Variants in AFM observed in about 807,000 individuals in gnomAD.
AFM encodes the protein afamin, also known as alpha-Alb.
Under a neutral mutation model 68.7 loss-of-function variants are expected in AFM, and 82 were observed. That is an observed-to-expected ratio of 1.19 (90% CI 1.00 to 1.43). The LOEUF (loss-of-function observed/expected upper bound fraction) is 1.43, where lower values mean the gene tolerates loss of function less well. Ranked by LOEUF, AFM falls within the 40% of genes most tolerant of loss-of-function variation. The pLI is 0.00. For synonymous variants in AFM, 250 were observed against 234.2 expected, an observed-to-expected ratio of 1.07 and a Z score of -0.61; for missense variants, 772 against 701.8, an observed-to-expected ratio of 1.10 and a Z score of -1.13.
chr4:73,486,882 C>T, intron 4 of AFM, 85 bp from the exon 5 acceptor site: 1 of 1,365,494 alleles, frequency 7.3e-7, no homozygotes, highest in Non-Finnish European at 1.0e-6. Context: ...CCTCCCTTCC[C>T]TTCCCTTCCC....
Position 73,500,247 on chromosome 4 carries a change from T to G in AFM, c.1646+20T>G, listed in dbSNP as rs375606047. The G allele has an allele frequency of 4.5e-6, 7 of 1,572,966 alleles. No homozygotes were observed. In the African/African-American group the frequency reaches 9.5e-5, roughly 21 times the overall value. On this transcript the variant is annotated intron_variant, in intron 12 of 14. Coordinates refer to ENST00000226355, the MANE Select transcript of AFM (RefSeq NM_001133.2). Reference sequence around the variant, plus strand: ...AGACAGGTACAAATAATCTCTTCCATTCTTCTTTTTCTTTGGTTTGAAGAC... The same window carrying G: ...AGACAGGTACAAATAATCTCTTCCAGTCTTCTTTTTCTTTGGTTTGAAGAC...
At chr4:73,485,579 GAAGGAGAAGGA>G (rs1720870032) in intron 3 of AFM, among the ~76,000 whole-genome samples, 1 of 133,812 alleles carries the variant, frequency 7.5e-6, no homozygotes, top group African/African-American at 2.7e-5. Context: ...AGGAGAAAGA[GAAGGAGAAGGA>G]GAAGAGGAAG....
chr4:73,499,042 G>A (rs1258307705), intron 10 of AFM, 72 bp from the exon 11 acceptor site: 2 of 1,533,406 alleles, frequency 1.3e-6, no homozygotes, highest in East Asian at 2.3e-5. Flanking sequence ...AAGGGTCTGG[G>A]CTTCAGCAGT....
At chr4:73,487,161 C>T (rs1720924844) in intron 5 of AFM, 62 bp downstream of exon 5, 1 of 1,561,048 alleles carries the variant, frequency 6.4e-7, no homozygotes, top group Non-Finnish European at 8.8e-7. Flanking sequence ...AGATCCAGAC[C>T]CTGACTTATA....
At chr4:73,496,181 G>A (rs546409523) in intron 9 of AFM, among the ~76,000 whole-genome samples, 1 of 152,202 alleles carries the variant, frequency 6.6e-6, no homozygotes, top group Non-Finnish European at 1.5e-5. Flanking sequence ...CAGAAGGGCT[G>A]TGTTCCCTCT....
In AFM at chr4:73,481,873, T is replaced by C. The variant is rs1369481383; in HGVS notation, c.88+10T>C. 6.5e-7 allele frequency: 1 copy of C among 1,543,792 alleles called. No individual in the cohort carries two copies. The highest frequency in any genetic ancestry group is 8.9e-7 in the Non-Finnish European group (1 of 1,126,424). On this transcript the variant is annotated intron_variant, in intron 1 of 14. Coordinates refer to ENST00000226355, the MANE Select transcript of AFM (RefSeq NM_001133.2). ...CAACCTCGGGATATAGGTAAGAAAT[T>C]TACTTGTATATCAGCTAAAGCATGA...
chr4:73,494,315 C>T (rs1464008998), intron 8 of AFM, among the ~76,000 whole-genome samples: 1 of 151,878 alleles, frequency 6.6e-6, no homozygotes, highest in African/African-American at 2.4e-5. Flanking sequence ...AAAAGAGTTA[C>T]CTGGTCATGA....
chr4:73,493,608 T>C (rs1721162905), intron 8 of AFM, among the ~76,000 whole-genome samples: 1 of 152,180 alleles, frequency 6.6e-6, no homozygotes, highest in Admixed American at 6.5e-5. Flanking sequence ...CCCTCTGAAG[T>C]TAGTATACTT....
chr4:73,501,650 T>C, intron 12 of AFM, 137 bp from the exon 13 acceptor site: 1 of 857,156 alleles, frequency 1.2e-6, no homozygotes, highest in Non-Finnish European at 1.7e-6. Flanking sequence ...AGAAGACCCA[T>C]TCAAAGTGGT....
At chr4:73,484,491 T>TTTCATTCTTTCATTCTTTCTTTC in intron 3 of AFM, 101 bp downstream of exon 3, 1 of 782,908 alleles carries the variant, frequency 1.3e-6, no homozygotes, top group Non-Finnish European at 1.8e-6. Context: ...TCTTTCTTTC[T>TTTCATTCTTTCATTCTTTCTTTC]TTCTTTCTTT....
intron 2 of AFM, 51 bp from the exon 3 acceptor site, chr4:73,484,207 A>C (rs1720791151): frequency 6.5e-7 from 1 of 1,548,528 alleles, no homozygotes; most frequent in Non-Finnish European, 8.7e-7. Context: ...TCTTGACCAT[A>C]AATGGAAACT....
At chr4:73,487,146 A>G in intron 5 of AFM, 47 bp downstream of exon 5, 1 of 1,603,292 alleles carries the variant, frequency 6.2e-7, no homozygotes, top group Non-Finnish European at 8.5e-7. Flanking sequence ...ATCACTCAAT[A>G]CCACAGATCC....
At chr4:73,483,471 T>C (rs1419095844) in intron 1 of AFM, among the ~76,000 whole-genome samples, 1 of 152,248 alleles carries the variant, frequency 6.6e-6, no homozygotes, top group Non-Finnish European at 1.5e-5. Context: ...TCCATGATTT[T>C]AGGTGGATCT....
chr4:73,484,146 C>T, intron 2 of AFM, 112 bp from the exon 3 acceptor site: 1 of 1,440,068 alleles, frequency 6.9e-7, no homozygotes, highest in Admixed American at 2.6e-5. Context: ...AATTTATAGC[C>T]ATTACAATAG....
chr4:73,485,867 T>A lies in AFM; in HGVS notation c.276T>A (p.Asn92Lys). ...TLPECSKLPN[N>K]VLQEKICAME... is the part of the protein sequence containing the mutation. ...TTTTCTTCTCTGTTGTATAGAATAATGTTTTACAGGAAAAAATATGTGCTA... is the reference window on the plus strand; with the variant it reads ...TTTTCTTCTCTGTTGTATAGAATAAAGTTTTACAGGAAAAAATATGTGCTA... Residue 92 changes from asparagine (N) to lysine (K), a missense_variant, in exon 4 of 15, where the codon AAT becomes AAA. By Grantham distance (94) the Asn-to-Lys change is moderately conservative. Coordinates refer to ENST00000226355, the MANE Select transcript of AFM (RefSeq NM_001133.2). The A allele has an allele frequency of 6.2e-7, 1 of 1,613,412 alleles. No individual in the cohort carries two copies. Among genetic ancestry groups the A allele is most frequent in the Non-Finnish European group, 8.5e-7 (1 of 1,179,474 alleles).
At chr4:73,493,196 A>G (rs1234792977) in intron 8 of AFM, among the ~76,000 whole-genome samples, 2 of 152,160 alleles carry the variant, frequency 1.3e-5, no homozygotes, top group Non-Finnish European at 2.9e-5. Flanking sequence ...GGTGAGAGGT[A>G]GGTGGGGCCA....
chr4:73,488,584 A>G (rs764636429), intron 6 of AFM, 46 bp from the exon 7 acceptor site: 1 of 1,561,230 alleles, frequency 6.4e-7, no homozygotes, highest in East Asian at 2.3e-5. Context: ...CACTTGTTCT[A>G]CTTGCTGTTC....
At position 73,500,125 on chromosome 4, in the gene AFM, C is replaced by T. The variant is rs189554138; in HGVS notation, c.1544C>T (p.Ala515Val). 6.2e-7 allele frequency: 1 copy of T among 1,613,992 alleles called. No homozygotes were observed. The highest frequency in any genetic ancestry group is 1.3e-5 in the African/African-American group (1 of 75,040). ...FRRPCFESLKADKTYVPPPFS... is the reference protein window; with the variant it reads ...FRRPCFESLKVDKTYVPPPFS... Reference sequence around the variant, plus strand: ...AGGCCCTGCTTTGAGAGTTTGAAAGCTGATAAAACATATGTGCCTCCACCT... The same window carrying T: ...AGGCCCTGCTTTGAGAGTTTGAAAGTTGATAAAACATATGTGCCTCCACCT... The change falls in exon 12 of 15, where the codon GCT becomes GTT. Residue 515 changes from alanine (A) to valine (V), a missense_variant. Coordinates refer to ENST00000226355, the MANE Select transcript of AFM (RefSeq NM_001133.2).
intron 3 of AFM, among the ~76,000 whole-genome samples, chr4:73,484,960 T>A (rs538522352): frequency 3.3e-5 from 5 of 152,246 alleles, no homozygotes; most frequent in Non-Finnish European, 7.3e-5. Context: ...TTTTGGTATT[T>A]AGAACAAGGT....
Sources: allele counts gnomAD v4.1 joint callset (sites outside exome capture counted in the v4.1 genomes callset), GRCh38; gene constraint gnomAD v4.1.1; transcripts MANE v1.5; gene names NCBI Gene and HGNC (gene_info 2026-07-23, HGNC 2026-07-21).